RYR2: variants seen among roughly 807,000 people sequenced by gnomAD.
RYR2 encodes cardiac muscle ryanodine receptor-calcium release channel.
Under a neutral mutation model 601.1 loss-of-function variants are expected in RYR2, and 227 were observed. The observed-to-expected ratio is 0.38, with a 90% confidence interval of 0.34 to 0.42. The LOEUF is 0.42. RYR2 is among the 10% of genes least tolerant of loss of function. RYR2 has a pLI of 1.00. For missense variants in RYR2, 4,646 were observed against 6,156.5 expected, an observed-to-expected ratio of 0.75 and a Z score of 8.21; for synonymous variants, 2,223 against 2,175.1, an observed-to-expected ratio of 1.02 and a Z score of -0.61.
At chr1:237,258,257 T>C (rs781145433) in intron 1 of RYR2, among the ~76,000 whole-genome samples, 1 of 151,672 alleles carries the variant, frequency 6.6e-6, no homozygotes, top group Non-Finnish European at 1.5e-5. Flanking sequence ...GGTTGGATTG[T>C]AGCAAGCAGA....
At chr1:237,670,017 G>A (rs951840603) in intron 58 of RYR2, among the ~76,000 whole-genome samples, 1 of 152,138 alleles carries the variant, frequency 6.6e-6, no homozygotes, top group Non-Finnish European at 1.5e-5. Context: ...CTGAGTGAAC[G>A]AGACTCCGTC....
chr1:237,425,358 A>G (rs1413762862), intron 12 of RYR2, among the ~76,000 whole-genome samples: 2 of 152,146 alleles, frequency 1.3e-5, no homozygotes, highest in Non-Finnish European at 2.9e-5. Flanking sequence ...TGACTCTCCA[A>G]AAACTTAACT....
intron 25 of RYR2, among the ~76,000 whole-genome samples, chr1:237,543,490 A>G (rs1443420467): frequency 6.6e-6 from 1 of 152,224 alleles, no homozygotes; most frequent in Non-Finnish European, 1.5e-5. Flanking sequence ...GCTTTCAGCA[A>G]AACTTGCTCT....
At chr1:237,730,440 T>A (rs1210106255) in intron 77 of RYR2, 84 bp downstream of exon 77, 9 of 701,770 alleles carry the variant, frequency 1.3e-5, no homozygotes, top group Admixed American at 7.5e-5. Flanking sequence ...TATATAACAT[T>A]GAAGGAAAAA....
At chr1:237,687,302 G>T in intron 62 of RYR2, 153 bp from the exon 63 acceptor site, 1 of 611,982 alleles carries the variant, frequency 1.6e-6, no homozygotes. Context: ...GATTCTTTCT[G>T]CGTGACATCA....
In RYR2 at chr1:237,819,898, A is replaced by G. The variant is rs1662257486; in HGVS notation, c.14590+706A>G. On this transcript the variant is annotated intron_variant, in intron 101 of 104. Transcript: ENST00000366574. This position sits in a 1 kb window ranked among gnomAD's most constrained non-coding sequence, Gnocchi z 4.0. ...GTGGTTGTTGAGATTTTTAAAAATGACATACAGGCCAGGCGCAGGGGCTCA... is the reference window on the plus strand; with the variant it reads ...GTGGTTGTTGAGATTTTTAAAAATGGCATACAGGCCAGGCGCAGGGGCTCA... Among the ~76,000 whole-genome samples the G allele has an allele frequency of 6.6e-6, 1 of 151,940 alleles. No homozygotes were observed. Among genetic ancestry groups the G allele is most frequent in the Non-Finnish European group, 1.5e-5 (1 of 67,996 alleles).
intron 1 of RYR2, among the ~76,000 whole-genome samples, chr1:237,254,489 T>C (rs576412630): frequency 1.3e-5 from 2 of 152,324 alleles, no homozygotes; most frequent in African/African-American, 2.4e-5. Flanking sequence ...TTACTTAACA[T>C]GGAATAATCG....
At chr1:237,527,753 T>C (rs146973525) in intron 24 of RYR2, among the ~76,000 whole-genome samples, 14 of 152,212 alleles carry the variant, frequency 9.2e-5, no homozygotes, top group African/African-American at 3.1e-4. Context: ...GGTTTTATTA[T>C]AATTCTTCAG....
At chr1:237,310,366 A>G (rs572245873) in intron 2 of RYR2, among the ~76,000 whole-genome samples, 2 of 152,324 alleles carry the variant, frequency 1.3e-5, no homozygotes, top group South Asian at 2.1e-4. Context: ...ATTAAACTAC[A>G]AGCTGAGTCA....
chr1:237,734,063 T>C (rs1690924508), intron 79 of RYR2, among the ~76,000 whole-genome samples: 1 of 152,180 alleles, frequency 6.6e-6, no homozygotes, highest in Non-Finnish European at 1.5e-5. Flanking sequence ...TTTTGTCTGA[T>C]GGGGAAGATA....
At chr1:237,808,847 T>C (rs1334927322) in intron 99 of RYR2, 54 bp from the exon 100 acceptor site, 2 of 1,589,342 alleles carry the variant, frequency 1.3e-6, no homozygotes, top group Non-Finnish European at 1.7e-6. Flanking sequence ...ATGTCACGTG[T>C]CAATTGTATG....
intron 80 of RYR2, 96 bp downstream of exon 80, chr1:237,742,445 T>A (rs958443736): frequency 2.4e-5 from 22 of 900,500 alleles, no homozygotes; most frequent in Non-Finnish European, 3.7e-5. Context: ...TCATGGCTTA[T>A]TGCAGCTTAT....
At chr1:237,519,761 G>A (rs1195280645) in intron 24 of RYR2, among the ~76,000 whole-genome samples, 1 of 152,040 alleles carries the variant, frequency 6.6e-6, no homozygotes, top group Non-Finnish European at 1.5e-5. Context: ...TGGCTATTTG[G>A]ACTCTTTCTT....
intron 38 of RYR2, 143 bp from the exon 39 acceptor site, chr1:237,623,622 G>A: frequency 1.8e-6 from 1 of 567,992 alleles, no homozygotes; most frequent in Non-Finnish European, 3.1e-6. Context: ...TCAAAATCCT[G>A]ACCTCGTGAT....
intron 27 of RYR2, among the ~76,000 whole-genome samples, chr1:237,565,660 C>T (rs771795505): frequency 2.0e-5 from 3 of 152,140 alleles, no homozygotes; most frequent in Non-Finnish European, 4.4e-5. Context: ...TTTAGTTGTG[C>T]GATGTTGGTC....
intron 1 of RYR2, among the ~76,000 whole-genome samples, chr1:237,205,680 C>G (rs1681728966): frequency 6.6e-6 from 1 of 152,220 alleles, no homozygotes; most frequent in Non-Finnish European, 1.5e-5. Flanking sequence ...CCAAAGAAAT[C>G]CAAAGGAGTT....
intron 12 of RYR2, among the ~76,000 whole-genome samples, chr1:237,431,257 G>A (rs1041185106): frequency 1.2e-4 from 19 of 152,132 alleles, no homozygotes; most frequent in Non-Finnish European, 2.5e-4. Context: ...CCATGAACTA[G>A]AGACACTAAC....
In RYR2 at chr1:237,072,520, G is replaced by C. The variant is rs994477822; in HGVS notation, c.48+29951G>C. ...TTTTCTTTAGTGCACCAACCAGCAA[G>C]GGGGAAGTGAATGCCAAAAGGAGCT... On this transcript the variant is annotated intron_variant, in intron 1 of 104. Transcript: ENST00000366574. 2.0e-5 allele frequency among the ~76,000 whole-genome samples: 3 copies of C among 152,154 alleles called. No homozygotes were observed. In the East Asian group the frequency reaches 5.8e-4, roughly 29 times the overall value.
At chr1:237,567,858 AT>A (rs921568970) in intron 28 of RYR2, among the ~76,000 whole-genome samples, 3 of 150,426 alleles carry the variant, frequency 2.0e-5, no homozygotes, top group African/African-American at 7.3e-5. Flanking sequence ...GTAGGAAAGC[AT>A]TTCTAGGCTT....
Sources: allele counts gnomAD v4.1 joint callset (sites outside exome capture counted in the v4.1 genomes callset), GRCh38; gene constraint gnomAD v4.1.1; non-coding constraint Gnocchi (gnomAD v3.1); transcripts MANE v1.5; gene names NCBI Gene and HGNC (gene_info 2026-07-23, HGNC 2026-07-21).